The following MITF variants were observed in gnomAD, a reference collection of about 807,000 sequenced individuals.
MITF encodes microphthalmia-associated transcription factor.
MITF carries 17 observed loss-of-function variants against 60.5 expected under a neutral mutation model. That is an observed-to-expected ratio of 0.28 (90% confidence interval 0.19 to 0.42). The LOEUF is 0.42. Among genes scored for constraint, MITF ranks in the 10% least tolerant of loss-of-function variants. The probability of loss-of-function intolerance (pLI) is 1.00; values close to 1 mark genes in which losing one functional copy is unlikely to be tolerated. For synonymous variants in MITF, 260 were observed against 248.5 expected, an observed-to-expected ratio of 1.05 and a Z score of -0.43; for missense variants, 622 against 683.5, an observed-to-expected ratio of 0.91 and a Z score of 1.00.
Position 69,830,646 on chromosome 3 carries a change from T to G in MITF, c.105-48488T>G, listed in dbSNP as rs193295007. 2.0e-5 allele frequency among the ~76,000 whole-genome samples: 3 copies of G among 152,312 alleles called. No homozygotes were observed. The East Asian group carries it at 5.8e-4, about 29-fold the overall frequency. On this transcript the variant is annotated intron_variant, in intron 1 of 9. Coordinates refer to ENST00000352241, the MANE Select transcript of MITF (RefSeq NM_001354604.2). ...AGTGGGGATGTTTGTCTCTGCTCAC[T>G]GCTGTATCCCCCACACTTTGAACCT...
chr3:69,858,170 A>G (rs975028755), intron 1 of MITF, among the ~76,000 whole-genome samples: 9 of 152,246 alleles, frequency 5.9e-5, no homozygotes, highest in Middle Eastern at 3.4e-3. Flanking sequence ...TTATTTGAAT[A>G]TTTTACTATC....
chr3:69,894,812 A>G (rs1167288474), intron 2 of MITF, among the ~76,000 whole-genome samples: 1 of 152,124 alleles, frequency 6.6e-6, no homozygotes, highest in Non-Finnish European at 1.5e-5. Flanking sequence ...ACTGTTCTGT[A>G]GTCAGTTCTA....
chr3:69,869,790 C>T (rs1266039407), intron 1 of MITF, among the ~76,000 whole-genome samples: 2 of 152,022 alleles, frequency 1.3e-5, no homozygotes, highest in Admixed American at 6.6e-5. Context: ...CAAAAGGAAC[C>T]GATAGGCTGA....
intron 3 of MITF, chr3:69,938,768 A>G: frequency 4.5e-6 from 6 of 1,329,026 alleles, no homozygotes; most frequent in Non-Finnish European, 5.8e-6. Context: ...GCTTCATCTC[A>G]ATGGGATTTA....
chr3:69,825,571 C>A (rs1312116697), intron 1 of MITF, among the ~76,000 whole-genome samples: 1 of 152,174 alleles, frequency 6.6e-6, no homozygotes, highest in Non-Finnish European at 1.5e-5. Flanking sequence ...ATTAAGAGTG[C>A]ATGTCAAGCG....
chr3:69,832,833 T>A (rs1217239166), intron 1 of MITF, among the ~76,000 whole-genome samples: 3 of 152,234 alleles, frequency 2.0e-5, no homozygotes, highest in African/African-American at 7.2e-5. Flanking sequence ...ATTGTTTCCT[T>A]ATGTGCACTG....
At chr3:69,907,261 T>A (rs2065119867) in intron 2 of MITF, among the ~76,000 whole-genome samples, 1 of 152,206 alleles carries the variant, frequency 6.6e-6, no homozygotes, top group African/African-American at 2.4e-5. Flanking sequence ...CTTTCCTGTC[T>A]ATGATTTCTT....
intron 2 of MITF, among the ~76,000 whole-genome samples, chr3:69,932,476 T>TC (rs1259905348): frequency 6.6e-6 from 1 of 152,156 alleles, no homozygotes; most frequent in Non-Finnish European, 1.5e-5. Flanking sequence ...GTGGACAGAC[T>TC]CCTGTTGTAG....
chr3:69,807,280 C>T (rs1335780399), intron 1 of MITF, among the ~76,000 whole-genome samples: 3 of 152,128 alleles, frequency 2.0e-5, no homozygotes, highest in Non-Finnish European at 4.4e-5. Flanking sequence ...CCCAGGAATG[C>T]TTGGATGTTA....
intron 1 of MITF, among the ~76,000 whole-genome samples, chr3:69,790,236 G>A (rs2062718485): frequency 6.6e-6 from 1 of 152,018 alleles, no homozygotes; most frequent in African/African-American, 2.4e-5. Context: ...GTGACAAGAA[G>A]GTAAATACTG....
intron 1 of MITF, among the ~76,000 whole-genome samples, chr3:69,768,875 A>G (rs2062344505): frequency 6.6e-6 from 1 of 152,194 alleles, no homozygotes; most frequent in Non-Finnish European, 1.5e-5. Flanking sequence ...TTTAAAGATG[A>G]AGCATTCAAA....
rs549521347 is a variant in MITF, at chr3:69,961,690, A to G, written c.1179+2270A>G. 6.6e-5 allele frequency among the ~76,000 whole-genome samples: 10 copies of G among 152,290 alleles called. No homozygotes were observed. The South Asian group carries it at 1.9e-3, about 28-fold the overall frequency. On this transcript the variant is annotated intron_variant, in intron 9 of 9. Coordinates refer to ENST00000352241, the MANE Select transcript of MITF (RefSeq NM_001354604.2). ...CGGTGAGCTGAGATTGTGCCATTGC[A>G]CTCCAGCCTAGGCTATAGAGCAAGA...
intron 2 of MITF, chr3:69,936,878 C>T: frequency 1.2e-6 from 1 of 836,626 alleles, no homozygotes; most frequent in Non-Finnish European, 1.9e-6. Flanking sequence ...TCTTTTAATG[C>T]TGTTTATTAT....
At chr3:69,784,995 T>C (rs938887252) in intron 1 of MITF, among the ~76,000 whole-genome samples, 1 of 152,028 alleles carries the variant, frequency 6.6e-6, no homozygotes, top group African/African-American at 2.4e-5. Flanking sequence ...TTGCCTTTTG[T>C]TTATTTTCCT....
At chr3:69,837,523 C>T (rs1056274413) in intron 1 of MITF, among the ~76,000 whole-genome samples, 1 of 151,978 alleles carries the variant, frequency 6.6e-6, no homozygotes, top group East Asian at 1.9e-4. Context: ...AAATTCTGTT[C>T]GTGTGTATTT....
At chr3:69,822,080 A>T (rs1211144821) in intron 1 of MITF, among the ~76,000 whole-genome samples, 2 of 152,206 alleles carry the variant, frequency 1.3e-5, no homozygotes, top group African/African-American at 4.8e-5. Context: ...TCTCTCAGAA[A>T]TATTTTGCTC....
chr3:69,745,333 C>T (rs1413752762), intron 1 of MITF, among the ~76,000 whole-genome samples: 1 of 152,090 alleles, frequency 6.6e-6, no homozygotes, highest in Non-Finnish European at 1.5e-5. Flanking sequence ...TTCAAAGATA[C>T]ATCATACTGT....
rs33962275 is a variant in MITF at position 69,855,260 on chromosome 3, C to CA, written c.105-23855dup. ...AAAAATTGCTTCCATTTCCCATAAGCAAAAAAAAAAAAAAAAAAACACTTA... is the reference window on the plus strand; with the variant it reads ...AAAAATTGCTTCCATTTCCCATAAGCAAAAAAAAAAAAAAAAAAAACACTTA... On this transcript the variant is annotated intron_variant, in intron 1 of 9. Coordinates refer to ENST00000352241, the MANE Select transcript of MITF (RefSeq NM_001354604.2). Among the ~76,000 whole-genome samples the CA allele has an allele frequency of 3.9e-3, 328 of 84,562 alleles. 4 individuals are homozygous for CA. The highest frequency in any genetic ancestry group is 8.6e-3 in the African/African-American group (193 of 22,442). The allele number at this position is 84,562 out of a possible 152,430, so 55.5% of individuals were successfully genotyped here.
intron 1 of MITF, among the ~76,000 whole-genome samples, chr3:69,791,448 G>A (rs1369076023): frequency 2.0e-5 from 3 of 152,162 alleles, no homozygotes; most frequent in African/African-American, 7.2e-5. Context: ...TAATAGTATG[G>A]TAACAAATCA....
Sources: allele counts gnomAD v4.1 joint callset (sites outside exome capture counted in the v4.1 genomes callset), GRCh38; gene constraint gnomAD v4.1.1; transcripts MANE v1.5; gene names NCBI Gene and HGNC (gene_info 2026-07-23, HGNC 2026-07-21).